Variants in ROBO2 observed in about 807,000 individuals in gnomAD.
The protein encoded by ROBO2 is roundabout guidance receptor 2.
Under a neutral mutation model 160.8 loss-of-function variants are expected in ROBO2, and 53 were observed. That is an observed-to-expected ratio of 0.33 (90% CI 0.26 to 0.41). The LOEUF (loss-of-function observed/expected upper bound fraction) is 0.41. Ranked by LOEUF, ROBO2 falls within the 10% of genes least tolerant of loss-of-function variation. The pLI, the probability that ROBO2 is intolerant of heterozygous loss-of-function variation, is 1.00. For synonymous variants in ROBO2, 664 were observed against 611.7 expected, an observed-to-expected ratio of 1.09 and a Z score of -1.26; for missense variants, 1,577 against 1,722.4, an observed-to-expected ratio of 0.92 and a Z score of 1.49.
intron 2 of ROBO2, among the ~76,000 whole-genome samples, chr3:76,394,666 A>G (rs1321487906): frequency 1.3e-5 from 2 of 152,076 alleles, no homozygotes; most frequent in Non-Finnish European, 2.9e-5. Context: ...GAATGTTGGC[A>G]GGGGTTGCAA....
intron 2 of ROBO2, among the ~76,000 whole-genome samples, chr3:77,122,153 G>C (rs1004981047): frequency 1.3e-5 from 2 of 152,130 alleles, no homozygotes; most frequent in African/African-American, 2.4e-5. Context: ...GGGAGTTCAG[G>C]ATCTTGATTT....
intron 2 of ROBO2, among the ~76,000 whole-genome samples, chr3:76,642,088 T>C (rs1050153510): frequency 1.3e-5 from 2 of 152,188 alleles, no homozygotes; most frequent in African/African-American, 2.4e-5. Context: ...GCAATTTTTC[T>C]ATAAGTTTAA....
chr3:76,353,480 A>G (rs2074993333), intron 2 of ROBO2, among the ~76,000 whole-genome samples: 1 of 151,980 alleles, frequency 6.6e-6, no homozygotes, highest in Non-Finnish European at 1.5e-5. Flanking sequence ...CATGTGCAGA[A>G]TTTAATGAAC....
At chr3:77,096,969 C>G (rs1287209194) in intron 1 of ROBO2, among the ~76,000 whole-genome samples, 1 of 152,160 alleles carries the variant, frequency 6.6e-6, no homozygotes, top group Non-Finnish European at 1.5e-5. Flanking sequence ...AAGTAAATCA[C>G]AACTGTCTTC....
chr3:76,402,442 A>C (rs2108766949), intron 2 of ROBO2, among the ~76,000 whole-genome samples: 1 of 151,654 alleles, frequency 6.6e-6, no homozygotes, highest in South Asian at 2.1e-4. Context: ...TCAGTGTATT[A>C]GTTTTTTATA....
At chr3:76,448,749 T>C (rs2077326005) in intron 2 of ROBO2, among the ~76,000 whole-genome samples, 1 of 152,200 alleles carries the variant, frequency 6.6e-6, no homozygotes, top group Non-Finnish European at 1.5e-5. Context: ...TTTACATTTG[T>C]TAATTCATCT....
At position 76,841,213 on chromosome 3, in the gene ROBO2, T is replaced by C. The variant is rs530216600; in HGVS notation, c.110-256801T>C. Among the ~76,000 whole-genome samples the C allele has an allele frequency of 8.5e-5, 13 of 152,316 alleles. No homozygotes were observed. In the South Asian group the frequency reaches 2.7e-3, roughly 32 times the overall value. ...CCAGATAGAAACAACTATAGCCTTG[T>C]AGTAGCCCAGATATGTGGGGCTAAC... On this transcript the variant is annotated intron_variant, in intron 2 of 26. Transcript: ENST00000487694.
chr3:77,649,390 C>T (rs2095433964), exon 26 of ROBO2: 1 of 152,078 alleles, frequency 6.6e-6, no homozygotes, highest in African/African-American at 2.4e-5. Context: ...TGTAATTGTC[C>T]ATTGACAATA....
At chr3:77,302,330 T>C (rs2062736384) in intron 2 of ROBO2, among the ~76,000 whole-genome samples, 1 of 152,114 alleles carries the variant, frequency 6.6e-6, no homozygotes, top group Non-Finnish European at 1.5e-5. Flanking sequence ...TGAATACATA[T>C]AAACTACTTA....
intron 24 of ROBO2, among the ~76,000 whole-genome samples, chr3:77,641,861 G>T (rs1030389377): frequency 6.6e-6 from 1 of 152,064 alleles, no homozygotes; most frequent in African/African-American, 2.4e-5. Flanking sequence ...GATGAAAAGG[G>T]AGTTGATATT....
intron 2 of ROBO2, among the ~76,000 whole-genome samples, chr3:76,398,514 A>G (rs931291917): frequency 1.3e-5 from 2 of 151,696 alleles, no homozygotes; most frequent in Admixed American, 6.6e-5. Context: ...TTCAAGCTGT[A>G]TGTATTAGTT....
At chr3:77,427,755 A>G (rs1479029426) in intron 2 of ROBO2, among the ~76,000 whole-genome samples, 1 of 152,234 alleles carries the variant, frequency 6.6e-6, no homozygotes, top group Non-Finnish European at 1.5e-5. Context: ...TGAATCATTT[A>G]GTCAGCTTCA....
intron 2 of ROBO2, among the ~76,000 whole-genome samples, chr3:76,002,223 C>T (rs1246338354): frequency 6.6e-6 from 1 of 152,132 alleles, no homozygotes; most frequent in South Asian, 2.1e-4. Flanking sequence ...TCTGTCCTTA[C>T]AAAAAGGAGA....
chr3:76,234,552 C>T (rs1704821189), intron 2 of ROBO2, among the ~76,000 whole-genome samples: 1 of 152,088 alleles, frequency 6.6e-6, no homozygotes, highest in East Asian at 1.9e-4. Flanking sequence ...ACTGTTATTC[C>T]TCGATTTTTT....
chr3:76,426,552 T>A (rs1355497710), intron 2 of ROBO2, among the ~76,000 whole-genome samples: 1 of 152,128 alleles, frequency 6.6e-6, no homozygotes, highest in East Asian at 1.9e-4. Context: ...AAGTGCTTGG[T>A]CACAAAATCA....
chr3:77,427,138 G>A (rs922089753), intron 2 of ROBO2, among the ~76,000 whole-genome samples: 3 of 152,186 alleles, frequency 2.0e-5, no homozygotes, highest in Non-Finnish European at 2.9e-5. Flanking sequence ...GCATCTGGAG[G>A]CACTGGAAAA....
At chr3:77,505,155 G>A (rs1320576100) in intron 5 of ROBO2, among the ~76,000 whole-genome samples, 3 of 152,234 alleles carry the variant, frequency 2.0e-5, no homozygotes, top group East Asian at 3.9e-4. Flanking sequence ...GAATAGAAAT[G>A]CATCTTTGTG....
rs1031520695 is a variant in ROBO2, at chr3:76,349,084, G to A, written c.109+411482G>A. On this transcript the variant is annotated intron_variant, in intron 2 of 26. Transcript: ENST00000487694. ...ACTGTTTAAGATCTCTGTTCCATTTGTAAGGGGCAGAGCAAGGATTTAAAC... is the reference window on the plus strand; with the variant it reads ...ACTGTTTAAGATCTCTGTTCCATTTATAAGGGGCAGAGCAAGGATTTAAAC... Among the ~76,000 whole-genome samples the A allele has an allele frequency of 5.3e-5, 8 of 152,178 alleles. No homozygotes were observed. The South Asian group carries it at 1.5e-3, about 28-fold the overall frequency.
At chr3:76,611,926 T>C (rs1219372721) in intron 2 of ROBO2, among the ~76,000 whole-genome samples, 2 of 152,210 alleles carry the variant, frequency 1.3e-5, no homozygotes, top group African/African-American at 4.8e-5. Flanking sequence ...GTACTACTTT[T>C]GCAGTATTCC....
Sources: allele counts gnomAD v4.1 joint callset (sites outside exome capture counted in the v4.1 genomes callset), GRCh38; gene constraint gnomAD v4.1.1; transcripts MANE v1.5; gene names NCBI Gene and HGNC (gene_info 2026-07-23, HGNC 2026-07-21).